Variants in CLVS1 observed in about 807,000 individuals in gnomAD.
CLVS1 encodes clavesin-1.
CLVS1 carries 10 observed loss-of-function variants against 33.1 expected under a neutral mutation model. That is an observed-to-expected ratio of 0.30 (90% CI 0.19 to 0.51). The LOEUF is 0.51. Ranked by LOEUF, CLVS1 falls within the 20% of genes least tolerant of loss-of-function variation. CLVS1 has a pLI of 0.97. For synonymous variants in CLVS1, 163 were observed against 166.1 expected, an observed-to-expected ratio of 0.98 and a Z score of 0.14; for missense variants, 343 against 433.4, an observed-to-expected ratio of 0.79 and a Z score of 1.85.
chr8:61,232,022 G>T (rs1232923011), intron 2 of CLVS1, among the ~76,000 whole-genome samples: 2 of 117,070 alleles, frequency 1.7e-5, no homozygotes, highest in African/African-American at 9.0e-5. Context: ...GGAAAGTTGT[G>T]GTTTTTTTTT....
intron 2 of CLVS1, among the ~76,000 whole-genome samples, chr8:61,242,743 T>C (rs1025143195): frequency 4.0e-5 from 6 of 151,842 alleles, no homozygotes; most frequent in Non-Finnish European, 7.4e-5. Flanking sequence ...CAGTGAGCTG[T>C]GATTATGTCT....
chr8:61,237,521 G>A (rs897622538), intron 2 of CLVS1, among the ~76,000 whole-genome samples: 3 of 152,208 alleles, frequency 2.0e-5, no homozygotes, highest in African/African-American at 7.2e-5. Flanking sequence ...CCATTGAGCT[G>A]AAAGGGACCT....
chr8:61,463,238 T>A (rs1308302389), intron 5 of CLVS1, among the ~76,000 whole-genome samples: 2 of 152,254 alleles, frequency 1.3e-5, no homozygotes, highest in African/African-American at 4.8e-5. Flanking sequence ...TGCTCTGAAT[T>A]AGGCTTTGGC....
chr8:61,349,515 G>T (rs1357545719), intron 2 of CLVS1, among the ~76,000 whole-genome samples: 2 of 151,982 alleles, frequency 1.3e-5, no homozygotes, highest in Non-Finnish European at 2.9e-5. Flanking sequence ...CCTGAGGTGG[G>T]GAACAGTGAG....
chr8:61,044,379 G>A, the CLVS1 span, among the ~76,000 whole-genome samples: 2 of 152,124 alleles, frequency 1.3e-5, no homozygotes, highest in Non-Finnish European at 2.9e-5. Context: ...ATCATGAACT[G>A]GGTATAATCA....
At chr8:61,076,347 T>G (rs1804909035) in intron 1 of CLVS1, among the ~76,000 whole-genome samples, 1 of 152,232 alleles carries the variant, frequency 6.6e-6, no homozygotes, top group Admixed American at 6.5e-5. Flanking sequence ...GGGACCTCTT[T>G]GTCTCTCCTT....
intron 2 of CLVS1, among the ~76,000 whole-genome samples, chr8:61,205,091 G>A (rs1161063512): frequency 6.6e-6 from 1 of 152,170 alleles, no homozygotes; most frequent in Non-Finnish European, 1.5e-5. Context: ...ACCTAATTAT[G>A]AGAATGCTGT....
chr8:61,434,686 GGAAT>G (rs746536500), intron 3 of CLVS1, among the ~76,000 whole-genome samples: 4 of 152,208 alleles, frequency 2.6e-5, no homozygotes, highest in Non-Finnish European at 4.4e-5. Context: ...TTAATGGAAA[GGAAT>G]GCTCAGGCTA....
Position 61,499,718 on chromosome 8 carries a change from C to A in CLVS1, c.*176C>A. ...ATCGGTCTGAGCAGCCAAAGTTGGA[C>A]AAAGACTTGAGAGATGCTTTTTTTT... On this transcript the variant is annotated 3_prime_UTR_variant, in exon 6 of 6. Transcript: ENST00000325897. 2.3e-6 allele frequency: 1 copy of A among 438,864 alleles called. No individual in the cohort carries two copies. Among genetic ancestry groups the A allele is most frequent in the Non-Finnish European group, 4.1e-6 (1 of 242,020 alleles). 27.2% of individuals were successfully genotyped at this position (438,864 alleles called of 1,614,324 possible).
chr8:61,472,992 T>C (rs2129607803), intron 5 of CLVS1, among the ~76,000 whole-genome samples: 2 of 152,228 alleles, frequency 1.3e-5, no homozygotes, highest in Admixed American at 1.3e-4. Flanking sequence ...ACATTACCCA[T>C]ACAAACAGCT....
intron 4 of CLVS1, 52 bp from the exon 5 acceptor site, chr8:61,458,255 G>T: frequency 2.3e-6 from 3 of 1,302,038 alleles, no homozygotes; most frequent in Non-Finnish European, 2.2e-6. Context: ...TGAAATCTTT[G>T]GTCGTATGTT....
intron 2 of CLVS1, among the ~76,000 whole-genome samples, chr8:61,138,765 G>T (rs981221024): frequency 5.3e-5 from 8 of 152,192 alleles, no homozygotes; most frequent in African/African-American, 1.9e-4. Flanking sequence ...ATCTCTGGGA[G>T]TGCCCCATAG....
At chr8:61,266,558 G>A (rs929420444) in intron 2 of CLVS1, among the ~76,000 whole-genome samples, 1 of 151,924 alleles carries the variant, frequency 6.6e-6, no homozygotes, top group African/African-American at 2.4e-5. Context: ...CATCTATTTG[G>A]ATCCTGTTGA....
At position 61,065,077 on chromosome 8, in the gene CLVS1, T is replaced by C. The variant is rs1408291289; in HGVS notation, c.-243+7847T>C. On this transcript the variant is annotated intron_variant, in intron 1 of 2. Coordinates refer to the CLVS1 transcript ENST00000522621. The stretch of plus-strand genomic sequence containing the variant: ...CAGATTTGTAGTTTAGAAATACAGT[T>C]GTCCCTCAGTATCTGTGGGCAATTG... Among the ~76,000 whole-genome samples, 3 of 152,324 alleles carry C rather than the reference T, an allele frequency of 2.0e-5. No individual in the cohort carries two copies. In the East Asian group the frequency reaches 5.8e-4, roughly 29 times the overall value.
chr8:61,002,918 T>C, the CLVS1 span, among the ~76,000 whole-genome samples: 1 of 152,350 alleles, frequency 6.6e-6, no homozygotes, highest in Middle Eastern at 3.4e-3. Flanking sequence ...TAGTCTAGCA[T>C]ATCAAATCTG....
rs371397446 is a variant in CLVS1 at position 61,211,837 on chromosome 8, AAGTC to A, written c.-152+79980_-152+79983del. Among the ~76,000 whole-genome samples, 88 of 152,322 alleles carry A rather than the reference AAGTC, an allele frequency of 5.8e-4. No individual in the cohort carries two copies. In the South Asian group the frequency reaches 7.0e-3, roughly 12 times the overall value. Reference sequence around the variant, plus strand: ...TTATAGGAGGGAAGCAGAAAGGTCAAAGTCAGAGAAAAGAGCTTTGAAGCAGAGG... The same window carrying A: ...TTATAGGAGGGAAGCAGAAAGGTCAAAGAGAAAAGAGCTTTGAAGCAGAGG... On this transcript the variant is annotated intron_variant, in intron 2 of 2. Transcript: ENST00000522621.
intron 1 of CLVS1, among the ~76,000 whole-genome samples, chr8:61,120,760 C>G (rs1805844002): frequency 6.9e-6 from 1 of 144,996 alleles, no homozygotes; most frequent in African/African-American, 2.6e-5. Flanking sequence ...GCTGGGAGAA[C>G]CACTGCTCTC....
intron 3 of CLVS1, among the ~76,000 whole-genome samples, chr8:61,434,576 C>T (rs1816243324): frequency 6.6e-6 from 1 of 152,044 alleles, no homozygotes; most frequent in African/African-American, 2.4e-5. Context: ...TGATTTGGCT[C>T]AGAAAAGCGG....
chr8:60,997,689 A>G, the CLVS1 span, among the ~76,000 whole-genome samples: 2 of 151,996 alleles, frequency 1.3e-5, no homozygotes, highest in African/African-American at 4.8e-5. Context: ...TGATGAACGA[A>G]GCCAGCCAAG....
Sources: gnomAD v4.1 joint callset for allele counts (sites outside exome capture counted in the v4.1 genomes callset) on GRCh38, gnomAD v4.1.1 for gene constraint, MANE v1.5 for transcripts, NCBI Gene and HGNC (gene_info 2026-07-23, HGNC 2026-07-21) for gene names.